The following ZNF273 variants were observed in gnomAD, a reference collection of about 807,000 sequenced individuals.
ZNF273 encodes zinc finger protein 9.
Under a neutral mutation model 14.9 loss-of-function variants are expected in ZNF273, and 11 were observed. The ratio of observed to expected loss-of-function variants is 0.74; its 90% CI spans 0.46 to 1.22. ZNF273 has a LOEUF of 1.22. ZNF273 is among the 50% of genes most tolerant of loss of function. The pLI, the probability that ZNF273 is intolerant of heterozygous loss-of-function variation, is 0.00. For missense variants in ZNF273, 577 were observed against 660.6 expected, an observed-to-expected ratio of 0.87 and a Z score of 1.39; for synonymous variants, 199 against 223.9, an observed-to-expected ratio of 0.89 and a Z score of 0.99.
chr7:64,883,383 C>G (rs1750821608), downstream of ZNF273, among the ~76,000 whole-genome samples: 1 of 152,138 alleles, frequency 6.6e-6, no homozygotes, highest in African/African-American at 2.4e-5. Flanking sequence ...CCCAGCCGAG[C>G]AGGCGCTTCA....
At chr7:64,881,654 G>C (rs1791258751), downstream of ZNF273, among the ~76,000 whole-genome samples, 2 of 152,156 alleles carry the variant, frequency 1.3e-5, no homozygotes, top group Admixed American at 1.3e-4. Context: ...TCTCACCCCA[G>C]ATCTTGGCTG....
At chr7:64,892,001 T>C (rs1286132783), downstream of ZNF273, among the ~76,000 whole-genome samples, 2 of 152,188 alleles carry the variant, frequency 1.3e-5, no homozygotes, top group Non-Finnish European at 2.9e-5. Context: ...CCTCACCTAC[T>C]TGTGCCTTTC....
Position 64,928,761 on chromosome 7 carries a change from G to C in ZNF273, c.1433G>C (p.Arg478Thr). The C allele has an allele frequency of 6.2e-7, 1 of 1,612,866 alleles. No homozygotes were observed. The highest frequency in any genetic ancestry group is 1.7e-4 in the Middle Eastern group (1 of 6,050). ...RAFSTLTEHKRVHTGEKPYKC... is the reference protein window; with the variant it reads ...RAFSTLTEHKTVHTGEKPYKC... ...TTCTCAACCCTTACTGAACATAAGA[G>C]AGTTCATACTGGAGAGAAACCTTAC... Residue 478 changes from arginine (R) to threonine (T), a missense_variant, in exon 4 of 4, where the codon AGA (arginine) becomes ACA (threonine). Arg to Thr is a moderately conservative substitution (Grantham distance 71, BLOSUM62 -1). Transcript: ENST00000476120.
downstream of ZNF273, chr7:64,882,374 G>C (rs1039168309): frequency 2.6e-5 from 4 of 151,976 alleles, no homozygotes; most frequent in East Asian, 7.8e-4. Context: ...TTATAGTCCC[G>C]CAATGGTAGT....
At chr7:64,907,500 G>T (rs1793201106) in intron 1 of ZNF273, among the ~76,000 whole-genome samples, 2 of 152,104 alleles carry the variant, frequency 1.3e-5, no homozygotes, top group Admixed American at 1.3e-4. Context: ...CTTGAGGGAG[G>T]TTATGGGAGT....
chr7:64,901,390 G>A (rs541918021), upstream of ZNF273, among the ~76,000 whole-genome samples: 1 of 152,296 alleles, frequency 6.6e-6, no homozygotes, highest in Non-Finnish European at 1.5e-5. Flanking sequence ...GTAACCCTAT[G>A]CCACCGGAAT....
chr7:64,890,335 G>A (rs1240871448), downstream of ZNF273, among the ~76,000 whole-genome samples: 1 of 152,020 alleles, frequency 6.6e-6, no homozygotes, highest in Non-Finnish European at 1.5e-5. Context: ...GTCACAGGCT[G>A]GCTGGATCAC....
intron 1 of ZNF273, among the ~76,000 whole-genome samples, chr7:64,916,666 C>T (rs374768344): frequency 1.8e-4 from 27 of 151,672 alleles, no homozygotes; most frequent in African/African-American, 5.1e-4. Context: ...TTTACTTTTG[C>T]GAGGGGCAAT....
intron 3 of ZNF273, among the ~76,000 whole-genome samples, chr7:64,919,241 C>T (rs1244264666): frequency 2.0e-5 from 3 of 152,154 alleles, no homozygotes; most frequent in African/African-American, 7.2e-5. Flanking sequence ...TTTATTGAAT[C>T]TGTAGGTCAC....
At chr7:64,896,736 TA>T (rs1387494135) in intron 3 of ZNF273, among the ~76,000 whole-genome samples, 1 of 152,132 alleles carries the variant, frequency 6.6e-6, no homozygotes, top group Non-Finnish European at 1.5e-5. Flanking sequence ...TCTGGGCTCA[TA>T]GCTCATGACC....
At chr7:64,898,938 T>C (rs952980917), upstream of ZNF273, among the ~76,000 whole-genome samples, 2 of 151,122 alleles carry the variant, frequency 1.3e-5, no homozygotes, top group South Asian at 2.1e-4. Context: ...ATTATTTGCT[T>C]TGCTGAAAAA....
rs549718605 is a variant in ZNF273, at chr7:64,917,936, A to G, written c.229+229A>G. On this transcript the variant is annotated intron_variant, in intron 2 of 3. Coordinates refer to ENST00000476120, the MANE Select transcript of ZNF273 (RefSeq NM_021148.3). ...TCACTCTAGATTAATGGTAATTCCA[A>G]AAATTTAGTGGCATAAAAGTTGCCC... Among the ~76,000 whole-genome samples, 9 of 152,310 alleles carry G rather than the reference A, an allele frequency of 5.9e-5. No individual in the cohort carries two copies. In the South Asian group the frequency reaches 1.7e-3, roughly 28 times the overall value.
At chr7:64,899,541 G>A (rs749516471), upstream of ZNF273, among the ~76,000 whole-genome samples, 2 of 151,798 alleles carry the variant, frequency 1.3e-5, no homozygotes, top group Non-Finnish European at 2.9e-5. Context: ...TGTAATCCCA[G>A]CTATTTGGAA....
intron 1 of ZNF273, among the ~76,000 whole-genome samples, chr7:64,916,469 C>T (rs1048906288): frequency 2.2e-4 from 30 of 137,212 alleles, no homozygotes; most frequent in African/African-American, 5.4e-4. Context: ...CGCTTGAATT[C>T]GGGAGGCGAA....
chr7:64,923,266 G>C (rs1794594886), intron 3 of ZNF273: 1 of 444,488 alleles, frequency 2.2e-6, no homozygotes, highest in African/African-American at 2.0e-5. Flanking sequence ...ATAGTTGTTA[G>C]AATATCTTCC....
chr7:64,921,179 C>T (rs1179944802), intron 3 of ZNF273, among the ~76,000 whole-genome samples: 1 of 151,886 alleles, frequency 6.6e-6, no homozygotes, highest in Non-Finnish European at 1.5e-5. Context: ...ATTCTCCTGC[C>T]TCAGCCTCCC....
At chr7:64,914,818 G>A (rs1400031522) in intron 1 of ZNF273, among the ~76,000 whole-genome samples, 1 of 146,154 alleles carries the variant, frequency 6.8e-6, no homozygotes, top group Non-Finnish European at 1.5e-5. Flanking sequence ...AGCAGGCGGT[G>A]CTGACACTTC....
At chr7:64,888,314 C>T in intron 1 of ZNF273, 9 of 985,380 alleles carry the variant, frequency 9.1e-6, no homozygotes, top group Non-Finnish European at 1.1e-5. Context: ...TGGCCTCGCA[C>T]AGGCTGCTCA....
At chr7:64,908,104 A>G (rs1377661380) in intron 1 of ZNF273, among the ~76,000 whole-genome samples, 1 of 152,236 alleles carries the variant, frequency 6.6e-6, no homozygotes, top group African/African-American at 2.4e-5. Context: ...TGCAGTAGCA[A>G]CCTGCTTCCT....
Sources: allele counts gnomAD v4.1 joint callset (sites outside exome capture counted in the v4.1 genomes callset), GRCh38; gene constraint gnomAD v4.1.1; transcripts MANE v1.5; gene names NCBI Gene and HGNC (gene_info 2026-07-23, HGNC 2026-07-21).